The following HK1 variants were observed in gnomAD, a reference collection of about 807,000 sequenced individuals.
HK1 encodes the protein hexokinase 1, also known as hexokinase-1.
In HK1, 28 loss-of-function variants were observed where a neutral mutation model predicts 91.6. The ratio of observed to expected loss-of-function variants is 0.31; its 90% CI spans 0.23 to 0.42. HK1 has a LOEUF of 0.42. HK1 is among the 10% of genes least tolerant of loss of function. HK1 has a pLI of 1.00. For synonymous variants in HK1, 430 were observed against 468.1 expected, an observed-to-expected ratio of 0.92 and a Z score of 1.05; for missense variants, 770 against 1,219.8, an observed-to-expected ratio of 0.63 and a Z score of 5.49.
chr10:69,384,100 C>T (rs531733518), intron 10 of HK1, among the ~76,000 whole-genome samples: 1 of 152,306 alleles, frequency 6.6e-6, no homozygotes, highest in African/African-American at 2.4e-5. Flanking sequence ...TGTATTGTGA[C>T]AGGTGGTTTA....
At chr10:69,320,817 A>G (rs574725886) in intron 1 of HK1, among the ~76,000 whole-genome samples, 6 of 152,234 alleles carry the variant, frequency 3.9e-5, no homozygotes, top group South Asian at 2.1e-4. Context: ...GACTCCATTC[A>G]GTGGGACATG....
chr10:69,389,072 G>A, intron 13 of HK1, 125 bp from the exon 14 acceptor site: 1 of 738,192 alleles, frequency 1.4e-6, no homozygotes, highest in Admixed American at 2.0e-5. Flanking sequence ...TTTGTAGGCT[G>A]GTAAGAAAAC....
At chr10:69,370,422 T>A (rs1046909054) in intron 7 of HK1, among the ~76,000 whole-genome samples, 1 of 152,126 alleles carries the variant, frequency 6.6e-6, no homozygotes, top group Admixed American at 6.5e-5. Flanking sequence ...ACAGGAAAGT[T>A]AGTGTAAATG....
At chr10:69,322,793 G>C (rs1847115539) in intron 1 of HK1, among the ~76,000 whole-genome samples, 1 of 152,060 alleles carries the variant, frequency 6.6e-6, no homozygotes, top group African/African-American at 2.4e-5. Flanking sequence ...GGGAGGCTGA[G>C]GCCGGAGAAT....
intron 2 of HK1, among the ~76,000 whole-genome samples, chr10:69,348,059 C>T (rs1163112204): frequency 6.6e-6 from 1 of 152,090 alleles, no homozygotes; most frequent in African/African-American, 2.4e-5. Flanking sequence ...TTCTCCTTTT[C>T]TCATTTATCC....
intron 2 of HK1, among the ~76,000 whole-genome samples, chr10:69,285,084 G>A (rs1844954850): frequency 6.6e-6 from 1 of 152,096 alleles, no homozygotes; most frequent in Admixed American, 6.5e-5. Flanking sequence ...CTCCCCAAAT[G>A]CTGGGATTAC....
At chr10:69,329,839 G>A (rs1847607239) in intron 1 of HK1, among the ~76,000 whole-genome samples, 1 of 151,814 alleles carries the variant, frequency 6.6e-6, no homozygotes. Context: ...TCTCCTGCCT[G>A]TGCCTGCTGC....
At chr10:69,330,816 G>T (rs891802757) in intron 1 of HK1, among the ~76,000 whole-genome samples, 1 of 151,446 alleles carries the variant, frequency 6.6e-6, no homozygotes, top group African/African-American at 2.4e-5. Context: ...ACTTCTTCAC[G>T]ATCATCCACT....
At chr10:69,349,088 C>T (rs1848711573) in intron 2 of HK1, among the ~76,000 whole-genome samples, 1 of 152,162 alleles carries the variant, frequency 6.6e-6, no homozygotes, top group Non-Finnish European at 1.5e-5. Context: ...CAGGAGGCCC[C>T]AGTAGCAGGA....
At chr10:69,324,647 A>G (rs1847222364) in intron 1 of HK1, among the ~76,000 whole-genome samples, 1 of 152,318 alleles carries the variant, frequency 6.6e-6, no homozygotes, top group South Asian at 2.1e-4. Flanking sequence ...ATGGGCTATG[A>G]GGGCCCACAG....
chr10:69,389,121 C>G, intron 13 of HK1, 76 bp from the exon 14 acceptor site: 14 of 1,117,672 alleles, frequency 1.3e-5, no homozygotes, highest in Middle Eastern at 2.6e-4. Flanking sequence ...GACTGCAGTG[C>G]AACAGACAGA....
chr10:69,401,594 T>C lies in HK1; in HGVS notation c.*459T>C. 2.5e-6 allele frequency: 1 copy of C among 393,516 alleles called. No individual in the cohort carries two copies. Among genetic ancestry groups the C allele is most frequent in the Non-Finnish European group, 5.0e-6 (1 of 199,334 alleles). The allele number at this position is 393,516 out of a possible 1,614,324, so 24.4% of individuals were successfully genotyped here. On this transcript the variant is annotated 3_prime_UTR_variant, in exon 18 of 18. Coordinates refer to ENST00000359426, the MANE Select transcript of HK1 (RefSeq NM_000188.3). The stretch of plus-strand genomic sequence containing the variant: ...CCCGGGGGCACTGCCTGAAGGCGAG[T>C]GTGGGCATAGCATTAGCTGCTTCCT...
intron 3 of HK1, chr10:69,295,542 C>T (rs557273850): frequency 9.3e-6 from 8 of 864,480 alleles, no homozygotes; most frequent in Admixed American, 3.6e-5. Context: ...GTTTTCTGAG[C>T]GTGATTGATT....
At position 69,382,759 on chromosome 10, in the gene HK1, C is replaced by T. The variant is rs916036237; in HGVS notation, c.1538C>T (p.Pro513Leu). Residue 513 changes from proline (P) to leucine (L), a missense_variant, in exon 10 of 18, where the codon CCC becomes CTC. Around this residue, in one of 7 missense-constraint regions of HK1, gnomAD observed 48 missense variants for 128.2 expected, o/e 0.37. Coordinates refer to ENST00000359426, the MANE Select transcript of HK1 (RefSeq NM_000188.3). ...AACAATGCCGTGGTTAAGATGCTGC[C>T]CTCCTTCGTCCGGAGAACTCCCGAC... ...THNNAVVKML[P>L]SFVRRTPDGT... 1.2e-6 allele frequency: 2 copies of T among 1,612,694 alleles called. No individual in the cohort carries two copies. The highest frequency in any genetic ancestry group is 1.3e-5 in the African/African-American group (1 of 74,910).
chr10:69,312,065 G>A (rs1056381378), upstream of HK1, among the ~76,000 whole-genome samples: 7 of 152,224 alleles, frequency 4.6e-5, no homozygotes, highest in Admixed American at 1.3e-4. Flanking sequence ...TACCTTCAAA[G>A]GGGAGTAGAA....
chr10:69,297,685 G>T lies in HK1; in HGVS notation c.-67+2005G>T, dbSNP rs1052630367. On this transcript the variant is annotated intron_variant, in intron 4 of 21. Transcript: ENST00000360289. ...CGGGGTTGGCGTATCACCTGAGGTC[G>T]GGTGTTTAAGACCAGCCTGGCCAAC... Among the ~76,000 whole-genome samples the T allele has an allele frequency of 5.5e-4, 81 of 147,406 alleles. 1 individual carries two copies. The highest frequency in any genetic ancestry group is 2.1e-3 in the African/African-American group (78 of 37,810).
chr10:69,324,680 T>C (rs1282331762), intron 1 of HK1, among the ~76,000 whole-genome samples: 2 of 152,178 alleles, frequency 1.3e-5, no homozygotes, highest in African/African-American at 4.8e-5. Flanking sequence ...ATACCTTGGG[T>C]GGGAAATCCC....
intron 2 of HK1, among the ~76,000 whole-genome samples, chr10:69,354,893 A>G (rs1000603041): frequency 9.2e-5 from 14 of 151,656 alleles, no homozygotes; most frequent in African/African-American, 3.1e-4. Context: ...CATGGTGAAA[A>G]CCCATCTCTA....
intron 4 of HK1, chr10:69,300,676 CGCCAAT>C: frequency 2.5e-6 from 2 of 809,098 alleles, no homozygotes; most frequent in South Asian, 2.9e-5. Context: ...ATTTCAAATT[CGCCAAT>C]ATAACCATGC....
Sources: gnomAD v4.1 joint callset for allele counts (sites outside exome capture counted in the v4.1 genomes callset) on GRCh38, gnomAD v4.1.1 for gene constraint, gnomAD v4.1.1 regional missense constraint, MANE v1.5 for transcripts, NCBI Gene and HGNC (gene_info 2026-07-23, HGNC 2026-07-21) for gene names.